The following ELP3 variants were observed in gnomAD, a reference collection of about 807,000 sequenced individuals.
ELP3 encodes elongator complex protein 3.
Under a neutral mutation model 74.9 loss-of-function variants are expected in ELP3, and 56 were observed. The ratio of observed to expected loss-of-function variants is 0.75; its 90% CI spans 0.60 to 0.93. The LOEUF (loss-of-function observed/expected upper bound fraction) is 0.93. Ranked by LOEUF, ELP3 falls within the 40% of genes least tolerant of loss-of-function variation. The pLI is 0.00. For missense variants in ELP3, 573 were observed against 686.5 expected, an observed-to-expected ratio of 0.83 and a Z score of 1.85; for synonymous variants, 222 against 239.8, an observed-to-expected ratio of 0.93 and a Z score of 0.68.
chr8:28,106,268 C>T (rs958749365), intron 3 of ELP3, among the ~76,000 whole-genome samples: 1 of 152,068 alleles, frequency 6.6e-6, no homozygotes, highest in Non-Finnish European at 1.5e-5. Flanking sequence ...CGGCCGGGCG[C>T]GGTGGCTCAC....
At chr8:28,124,166 A>C (rs1401628861) in intron 7 of ELP3, among the ~76,000 whole-genome samples, 1 of 152,172 alleles carries the variant, frequency 6.6e-6, no homozygotes, top group African/African-American at 2.4e-5. Flanking sequence ...ATATCCTTTA[A>C]TAGGGAATAT....
At chr8:28,126,104 A>C (rs1375911541) in intron 7 of ELP3, among the ~76,000 whole-genome samples, 1 of 152,146 alleles carries the variant, frequency 6.6e-6, no homozygotes, top group Non-Finnish European at 1.5e-5. Flanking sequence ...CTTCCTGTCC[A>C]GATGGAGAGA....
At chr8:28,097,921 A>C (rs2130346817) in intron 2 of ELP3, among the ~76,000 whole-genome samples, 1 of 152,306 alleles carries the variant, frequency 6.6e-6, no homozygotes, top group South Asian at 2.1e-4. Flanking sequence ...GGGGTAAGTA[A>C]CTAGTAATTG....
At chr8:28,146,353 A>G (rs1420007306) in intron 10 of ELP3, among the ~76,000 whole-genome samples, 1 of 152,198 alleles carries the variant, frequency 6.6e-6, no homozygotes, top group Non-Finnish European at 1.5e-5. Context: ...CCAATTCACA[A>G]CCCAAGCATG....
At chr8:28,106,166 C>T (rs1321504058) in intron 3 of ELP3, among the ~76,000 whole-genome samples, 1 of 152,138 alleles carries the variant, frequency 6.6e-6, no homozygotes, top group African/African-American at 2.4e-5. Flanking sequence ...AATATAACTT[C>T]ACATATATAT....
At position 28,095,797 on chromosome 8, in the gene ELP3, A is replaced by C. The variant is rs763624742; in HGVS notation, c.20-1422A>C. On this transcript the variant is annotated intron_variant, in intron 1 of 14. Coordinates refer to ENST00000256398, the MANE Select transcript of ELP3 (RefSeq NM_018091.6). ...CCCTCCGTGTTACTGTAAGGGTTCA[A>C]ATGAGATAAAGTAAATGTGTGGGCT... Among the ~76,000 whole-genome samples, 67 of 152,258 alleles carry C rather than the reference A, an allele frequency of 4.4e-4. 1 individual carries two copies. The highest frequency in any genetic ancestry group is 3.2e-3 in the Admixed American group (49 of 15,284).
chr8:28,119,515 T>C (rs1812270596), intron 7 of ELP3, among the ~76,000 whole-genome samples: 1 of 147,234 alleles, frequency 6.8e-6, no homozygotes, highest in Non-Finnish European at 1.5e-5. Flanking sequence ...GTTCACTGTC[T>C]GCAGTGTTTT....
chr8:28,185,716 A>G (rs1047801784), intron 14 of ELP3, among the ~76,000 whole-genome samples: 2 of 152,170 alleles, frequency 1.3e-5, no homozygotes, highest in East Asian at 1.9e-4. Context: ...GCCCAGAGGC[A>G]GTGGCTGAGC....
intron 14 of ELP3, among the ~76,000 whole-genome samples, chr8:28,164,612 G>T (rs993909401): frequency 6.6e-6 from 1 of 152,024 alleles, no homozygotes; most frequent in Non-Finnish European, 1.5e-5. Context: ...GGGAAACTAC[G>T]TACGCCTGGA....
chr8:28,149,491 T>C (rs1049686395), intron 10 of ELP3, among the ~76,000 whole-genome samples: 2 of 152,236 alleles, frequency 1.3e-5, no homozygotes, highest in African/African-American at 4.8e-5. Flanking sequence ...TCCATTGTTA[T>C]CCTTTTAATG....
At position 28,134,631 on chromosome 8, in the gene ELP3, A is replaced by G. The variant is rs115362570; in HGVS notation, c.906+2227A>G. Among the ~76,000 whole-genome samples the G allele has an allele frequency of 9.2e-3, 1,399 of 152,340 alleles. 17 individuals are homozygous for G. Among genetic ancestry groups the G allele is most frequent in the African/African-American group, 0.032 (1,337 of 41,572 alleles). On this transcript the variant is annotated intron_variant, in intron 9 of 14. Transcript: ENST00000256398. ...AGCATTTCACAAAAGAGAATATTCA[A>G]ATAGCCAATAAACCTATCAAAAAGT... is the stretch of plus-strand genomic sequence containing the variant.
upstream of ELP3, chr8:28,092,946 T>C (rs1202591423): frequency 3.3e-6 from 2 of 606,746 alleles, no homozygotes; most frequent in Non-Finnish European, 5.9e-6. Flanking sequence ...AACCCCAAGA[T>C]GCCACTCCGT....
chr8:28,142,379 C>T (rs76262421), intron 10 of ELP3, among the ~76,000 whole-genome samples: 246 of 152,258 alleles, frequency 1.6e-3, no homozygotes, highest in African/African-American at 5.5e-3. Context: ...TTTCAGGAGG[C>T]CCAACTGTCA....
At chr8:28,142,951 A>G (rs1024992193) in intron 10 of ELP3, among the ~76,000 whole-genome samples, 3 of 152,122 alleles carry the variant, frequency 2.0e-5, no homozygotes, top group Admixed American at 6.6e-5. Flanking sequence ...CTTGAGATGC[A>G]TTATGTTACT....
At chr8:28,161,479 T>C (rs1179773419) in intron 13 of ELP3, among the ~76,000 whole-genome samples, 1 of 151,808 alleles carries the variant, frequency 6.6e-6, no homozygotes, top group Non-Finnish European at 1.5e-5. Context: ...GAGGCTGAGA[T>C]AGGAGAATCA....
rs1811407796 is a variant in ELP3, at chr8:28,099,922, T to C, written c.214T>C (p.Leu72=). The change falls in exon 3 of 15, where the codon TTG becomes CTG. Residue 72 remains leucine (L), a synonymous_variant. Coordinates refer to ENST00000256398, the MANE Select transcript of ELP3 (RefSeq NM_018091.6). ...CGTCCCTCCTCAGTATCGCAAGGTC[T>C]TGATGCCCAAGTTAAAGGCGAAACC... ...AAVPPQYRKV[L]MPKLKAKPIR... The C allele has an allele frequency of 8.1e-6, 13 of 1,614,226 alleles. No homozygotes were observed. The highest frequency in any genetic ancestry group is 1.1e-5 in the Non-Finnish European group (13 of 1,180,048).
chr8:28,126,236 T>G (rs952389953), intron 7 of ELP3, among the ~76,000 whole-genome samples: 1 of 152,098 alleles, frequency 6.6e-6, no homozygotes, highest in East Asian at 1.9e-4. Context: ...AGGGGAGAAA[T>G]GTATTGGAGC....
chr8:28,100,096 A>T (rs1563245878), intron 3 of ELP3, 130 bp downstream of exon 3: 2 of 1,177,268 alleles, frequency 1.7e-6, no homozygotes, highest in Non-Finnish European at 2.4e-6. Flanking sequence ...CTGTATTAGG[A>T]TATGTGCTGG....
intron 14 of ELP3, among the ~76,000 whole-genome samples, chr8:28,184,172 A>G (rs1164624509): frequency 6.6e-6 from 1 of 152,160 alleles, no homozygotes; most frequent in East Asian, 1.9e-4. Context: ...TTTTCTTTCA[A>G]AAAACAAGAG....
Sources: allele counts gnomAD v4.1 joint callset (sites outside exome capture counted in the v4.1 genomes callset), GRCh38; gene constraint gnomAD v4.1.1; transcripts MANE v1.5; gene names NCBI Gene and HGNC (gene_info 2026-07-23, HGNC 2026-07-21).